Variants in SEMA3D observed in about 807,000 individuals in gnomAD.
SEMA3D encodes semaphorin 3D, also known as semaphorin-3D.
SEMA3D carries 84 observed loss-of-function variants against 100.1 expected under a neutral mutation model. The observed-to-expected ratio is 0.84, with a 90% CI of 0.70 to 1.01. The LOEUF is 1.01. Ranked by LOEUF, SEMA3D falls within the 50% of genes least tolerant of loss-of-function variation. The pLI is 0.00. For synonymous variants in SEMA3D, 312 were observed against 320.7 expected (o/e 0.97, Z 0.29); for missense variants, 875 against 934.1 (o/e 0.94, Z 0.82).
At chr7:85,038,943 AT>A (rs1351516168) in intron 11 of SEMA3D, among the ~76,000 whole-genome samples, 1 of 152,178 alleles carries the variant, frequency 6.6e-6, no homozygotes, top group African/African-American at 2.4e-5. Flanking sequence ...CAAAATGAGG[AT>A]TGTGCCACAG....
At chr7:85,194,582 A>G in the SEMA3D span, among the ~76,000 whole-genome samples, 17 of 152,254 alleles carry the variant, frequency 1.1e-4, no homozygotes, top group Admixed American at 4.6e-4. Context: ...TCATATTTCA[A>G]TCCAGGGTTC....
chr7:85,032,586 T>C (rs1327951932), intron 12 of SEMA3D, among the ~76,000 whole-genome samples: 1 of 152,092 alleles, frequency 6.6e-6, no homozygotes, highest in African/African-American at 2.4e-5. Context: ...TGATTGTCAC[T>C]ATACTAACAC....
intron 2 of SEMA3D, among the ~76,000 whole-genome samples, chr7:85,147,913 G>C (rs1369930189): frequency 6.6e-6 from 1 of 152,036 alleles, no homozygotes; most frequent in Admixed American, 6.6e-5. Flanking sequence ...TTTCAACTGG[G>C]AGTGCACCCT....
intron 2 of SEMA3D, chr7:85,141,906 C>T: frequency 1.0e-6 from 1 of 976,094 alleles, no homozygotes; most frequent in Non-Finnish European, 1.2e-6. Context: ...TTAGATTTCT[C>T]AGTATTAATT....
chr7:85,225,986 A>G, the SEMA3D span, among the ~76,000 whole-genome samples: 9 of 152,298 alleles, frequency 5.9e-5, no homozygotes, highest in African/African-American at 2.2e-4. Context: ...ACATTGCACT[A>G]ATTTTCTAAA....
At chr7:85,007,614 A>G (rs1288954757) in intron 17 of SEMA3D, among the ~76,000 whole-genome samples, 1 of 151,786 alleles carries the variant, frequency 6.6e-6, no homozygotes, top group Admixed American at 6.6e-5. Context: ...CAGACACCTT[A>G]TTCTCATAAA....
intron 2 of SEMA3D, among the ~76,000 whole-genome samples, chr7:85,138,411 C>G (rs1789925302): frequency 6.6e-6 from 1 of 151,832 alleles, no homozygotes; most frequent in Non-Finnish European, 1.5e-5. Flanking sequence ...GTCTCAGCCT[C>G]TAGAGCAGCT....
intron 2 of SEMA3D, among the ~76,000 whole-genome samples, chr7:85,150,364 T>TATAC (rs1366717833): frequency 2.1e-5 from 3 of 141,948 alleles, no homozygotes; most frequent in Admixed American, 1.5e-4. Flanking sequence ...TATATATATA[T>TATAC]ATATTATATA....
chr7:85,064,890 A>G (rs1453899633), intron 8 of SEMA3D, among the ~76,000 whole-genome samples: 1 of 152,168 alleles, frequency 6.6e-6, no homozygotes, highest in Non-Finnish European at 1.5e-5. Context: ...CAATATTAAT[A>G]TGCTTAAAAT....
chr7:85,244,708 CTTTTTTT>C, the SEMA3D span, among the ~76,000 whole-genome samples: 1 of 121,888 alleles, frequency 8.2e-6, no homozygotes, highest in Non-Finnish European at 1.7e-5. Flanking sequence ...ACTGCACAAT[CTTTTTTT>C]TTTTTTTTTT....
chr7:85,171,924 A>G (rs2116549374), intron 1 of SEMA3D, among the ~76,000 whole-genome samples: 1 of 151,882 alleles, frequency 6.6e-6, no homozygotes, highest in Non-Finnish European at 1.5e-5. Context: ...CAGGGAATAG[A>G]AAATGACACA....
rs1403661904 is a variant in SEMA3D, at chr7:85,028,020, A to C, written c.1192-5407T>G. On this transcript the variant is annotated intron_variant, in intron 12 of 18. Transcript: ENST00000284136. ...TAATCAAGTTCCAATGAACCGTGCC[A>C]GCATGGCTTTTGATGCCAAATGTCT... 5.2e-6 allele frequency: 3 copies of C among 578,810 alleles called. No homozygotes were observed. The African/African-American group carries it at 5.5e-5, about 11-fold the overall frequency. 35.9% of individuals were successfully genotyped at this position (578,810 alleles called of 1,614,324 possible).
At chr7:85,202,755 T>C in the SEMA3D span, among the ~76,000 whole-genome samples, 4 of 151,974 alleles carry the variant, frequency 2.6e-5, no homozygotes, top group African/African-American at 7.3e-5. Flanking sequence ...TCAACATCAC[T>C]GGCCATCAGA....
chr7:85,008,656 T>G (rs1411725244), intron 17 of SEMA3D, among the ~76,000 whole-genome samples: 2 of 151,738 alleles, frequency 1.3e-5, no homozygotes, highest in East Asian at 3.9e-4. Flanking sequence ...AAAATTCTAC[T>G]TGATAGTTGC....
intron 1 of SEMA3D, chr7:85,160,039 T>C (rs373851917): frequency 1.1e-6 from 1 of 945,740 alleles, no homozygotes; most frequent in Non-Finnish European, 1.3e-6. Flanking sequence ...AAAACTGAAC[T>C]GTTATTTTAT....
the SEMA3D span, among the ~76,000 whole-genome samples, chr7:85,206,602 C>G: frequency 1.3e-5 from 2 of 152,074 alleles, no homozygotes; most frequent in African/African-American, 2.4e-5. Context: ...AAATTTCAAC[C>G]AGTTACATGT....
the SEMA3D span, among the ~76,000 whole-genome samples, chr7:85,214,352 A>C: frequency 2.0e-4 from 31 of 152,254 alleles, no homozygotes; most frequent in Admixed American, 8.5e-4. Flanking sequence ...CTATATTACT[A>C]ATTGTACCTA....
chr7:85,236,347 G>T, the SEMA3D span, among the ~76,000 whole-genome samples: 63 of 150,026 alleles, frequency 4.2e-4, no homozygotes, highest in African/African-American at 1.5e-3. Flanking sequence ...TTGCTCTGTT[G>T]CCCAGGCTGG....
At chr7:85,107,818 T>C (rs972357216) in intron 3 of SEMA3D, among the ~76,000 whole-genome samples, 1 of 152,046 alleles carries the variant, frequency 6.6e-6, no homozygotes, top group Non-Finnish European at 1.5e-5. Flanking sequence ...AAGCAAGTTT[T>C]CTATTCTCCG....
Sources: gnomAD v4.1 joint callset for allele counts (sites outside exome capture counted in the v4.1 genomes callset) on GRCh38, gnomAD v4.1.1 for gene constraint, MANE v1.5 for transcripts, NCBI Gene and HGNC (gene_info 2026-07-23, HGNC 2026-07-21) for gene names.